The following SVEP1 variants were observed in gnomAD, a reference collection of about 807,000 sequenced individuals.
The protein encoded by SVEP1 is sushi, von Willebrand factor type A, EGF and pentraxin domain-containing protein 1.
A neutral mutation model predicts 367.3 loss-of-function variants in SVEP1; 164 were observed. The observed-to-expected ratio is 0.45, with a 90% CI of 0.39 to 0.51. The LOEUF is 0.51. Among genes scored for constraint, SVEP1 ranks in the 20% least tolerant of loss-of-function variants. The probability of loss-of-function intolerance (pLI) is 0.00; values close to 1 mark genes in which losing one functional copy is unlikely to be tolerated. For missense variants in SVEP1, 4,117 were observed against 4,425.3 expected, an observed-to-expected ratio of 0.93 and a Z score of 1.98; for synonymous variants, 1,666 against 1,611.6, an observed-to-expected ratio of 1.03 and a Z score of -0.81.
chr9:110,384,418 T>C (rs1449949045), intron 43 of SVEP1, among the ~76,000 whole-genome samples: 1 of 152,054 alleles, frequency 6.6e-6, no homozygotes, highest in African/African-American at 2.4e-5. Context: ...ATTCACTCAC[T>C]GTTTTTGTTC....
Position 110,572,789 on chromosome 9 carries a change from C to CAAA in SVEP1, c.531+6221_531+6223dup, listed in dbSNP as rs56077443. Among the ~76,000 whole-genome samples, 59 of 76,512 alleles carry CAAA rather than the reference C, an allele frequency of 7.7e-4. 2 individuals carry two copies. Among genetic ancestry groups the CAAA allele is most frequent in the Non-Finnish European group, 1.0e-3 (42 of 40,362 alleles). The allele number at this position is 76,512 out of a possible 152,430, so 50.2% of individuals were successfully genotyped here. A position where few individuals can be genotyped will look rare whatever the true frequency, so the allele number is the denominator to read the frequency against. On this transcript the variant is annotated intron_variant, in intron 1 of 47. Coordinates refer to ENST00000374469, the MANE Select transcript of SVEP1 (RefSeq NM_153366.4). ...AGAGGGTGACCCTCTCTCTCTCTCA[C>CAAA]AAAAAAAAAAAAAAAAAAAAAAAAA...
At position 110,499,144 on chromosome 9, in the gene SVEP1, A is replaced by G; in HGVS notation, c.1578T>C (p.Tyr526=). The part of the protein sequence containing the change: ...KQPAKFGTIC[Y]VSCRQGFILS... The stretch of plus-strand genomic sequence containing the variant: ...AAATGAACCCTTGGCGGCAACTTAC[A>G]TAGCAGATCGTCCCAAATTTGGCTG... Residue 526 remains tyrosine, a synonymous_variant, in exon 7 of 48, where the codon TAT becomes TAC. Coordinates refer to ENST00000374469, the MANE Select transcript of SVEP1 (RefSeq NM_153366.4). The G allele has an allele frequency of 1.2e-6, 2 of 1,613,786 alleles. No homozygotes were observed. The highest frequency in any genetic ancestry group is 1.7e-6 in the Non-Finnish European group (2 of 1,179,812).
At chr9:110,452,223 G>T (rs1397454181) in intron 22 of SVEP1, among the ~76,000 whole-genome samples, 3 of 152,042 alleles carry the variant, frequency 2.0e-5, no homozygotes, top group African/African-American at 7.2e-5. Flanking sequence ...ATGAACACTT[G>T]TTTTTTCACA....
In SVEP1 at chr9:110,387,468, A is replaced by G; in HGVS notation, c.9887-10T>C. On this transcript the variant is annotated splice_polypyrimidine_tract_variant and intron_variant, in intron 41 of 47. Coordinates refer to ENST00000374469, the MANE Select transcript of SVEP1 (RefSeq NM_153366.4). ...GTTTCACACCTGGTCTCTAAAAACA[A>G]GAATAAAAGCCTCATATTAATTGCT... The G allele has an allele frequency of 6.3e-7, 1 of 1,591,446 alleles. No homozygotes were observed. The highest frequency in any genetic ancestry group is 2.2e-5 in the East Asian group (1 of 44,688).
intron 3 of SVEP1, among the ~76,000 whole-genome samples, chr9:110,541,838 C>T (rs1156252063): frequency 2.9e-5 from 4 of 137,246 alleles, no homozygotes; most frequent in East Asian, 2.2e-4. Context: ...TATCTATATA[C>T]ATAGATATCT....
At chr9:110,415,520 G>C (rs1278682150) in intron 36 of SVEP1, among the ~76,000 whole-genome samples, 2 of 152,006 alleles carry the variant, frequency 1.3e-5, no homozygotes, top group Non-Finnish European at 2.9e-5. Flanking sequence ...AGTGGAAGAA[G>C]ACGGTAAGAC....
chr9:110,569,292 A>C (rs1043394039), intron 1 of SVEP1, among the ~76,000 whole-genome samples: 4 of 151,938 alleles, frequency 2.6e-5, no homozygotes, highest in African/African-American at 4.8e-5. Context: ...CCCCGTCTCT[A>C]CTAAAAATAC....
At chr9:110,397,522 G>T (rs1183447115) in intron 40 of SVEP1, among the ~76,000 whole-genome samples, 1 of 152,126 alleles carries the variant, frequency 6.6e-6, no homozygotes, top group Non-Finnish European at 1.5e-5. Context: ...GGAAATAAAG[G>T]ATATTCAATT....
chr9:110,569,331 C>T (rs1290359911), intron 1 of SVEP1, among the ~76,000 whole-genome samples: 1 of 151,776 alleles, frequency 6.6e-6, no homozygotes, highest in Non-Finnish European at 1.5e-5. Flanking sequence ...TGGTGCATGC[C>T]TGTAATCCCA....
chr9:110,450,863 G>A (rs557516825), intron 23 of SVEP1, among the ~76,000 whole-genome samples: 1 of 152,264 alleles, frequency 6.6e-6, no homozygotes, highest in East Asian at 1.9e-4. Flanking sequence ...AATAAAGCTA[G>A]TAAATTCCAT....
At chr9:110,547,702 T>C (rs756820447) in intron 2 of SVEP1, among the ~76,000 whole-genome samples, 4 of 152,090 alleles carry the variant, frequency 2.6e-5, no homozygotes, top group Non-Finnish European at 4.4e-5. Context: ...GTAACCTATG[T>C]CTATCGAGAA....
At chr9:110,548,436 T>C (rs1390246280) in intron 2 of SVEP1, among the ~76,000 whole-genome samples, 1 of 152,196 alleles carries the variant, frequency 6.6e-6, no homozygotes, top group Admixed American at 6.5e-5. Flanking sequence ...CATCCCTTTA[T>C]ATGTATTAAC....
At chr9:110,505,676 C>A (rs1178136695) in intron 5 of SVEP1, among the ~76,000 whole-genome samples, 1 of 151,352 alleles carries the variant, frequency 6.6e-6, no homozygotes, top group Non-Finnish European at 1.5e-5. Flanking sequence ...TTTTTAAATT[C>A]TCTCTCTCTC....
chr9:110,491,590 G>GGGGTGTGTGTGTGT (rs76905358), intron 8 of SVEP1, among the ~76,000 whole-genome samples: 71 of 147,836 alleles, frequency 4.8e-4, no homozygotes, highest in African/African-American at 1.6e-3. Flanking sequence ...TATAGAATGG[G>GGGGTGTGTGTGTGT]GTGTGTGTGT....
In SVEP1 at chr9:110,466,760, C is replaced by CAAAAAAA. The variant is rs71371670; in HGVS notation, c.3161-741_3161-735dup. ...TGGGCGACAGAGCGAGACTCCATCT[C>CAAAAAAA]AAAAAAAAAAAAAAAAAAGAACTGG... is the stretch of plus-strand genomic sequence containing the variant. On this transcript the variant is annotated intron_variant, in intron 17 of 47. Coordinates refer to ENST00000374469, the MANE Select transcript of SVEP1 (RefSeq NM_153366.4). Among the ~76,000 whole-genome samples the CAAAAAAA allele has an allele frequency of 3.9e-4, 18 of 46,420 alleles. 6 individuals carry two copies. The highest frequency in any genetic ancestry group is 2.1e-3 in the Admixed American group (7 of 3,278). The allele number at this position is 46,420 out of a possible 152,430, so 30.5% of individuals were successfully genotyped here. A position where few individuals can be genotyped will look rare whatever the true frequency, so the allele number is the denominator to read the frequency against.
Position 110,366,280 on chromosome 9 carries a change from G to C in SVEP1, c.*259C>G. ...ATAGACAGCAGAATATGTACATTTT[G>C]TGAGGGTAGAGCAGCATCTATTTAA... On this transcript the variant is annotated 3_prime_UTR_variant, in exon 48 of 48. Coordinates refer to ENST00000374469, the MANE Select transcript of SVEP1 (RefSeq NM_153366.4). 5.5e-6 allele frequency: 2 copies of C among 362,510 alleles called. No homozygotes were observed. The highest frequency in any genetic ancestry group is 7.1e-4 in the Middle Eastern group (1 of 1,402). The allele number at this position is 362,510 out of a possible 1,614,324, so 22.5% of individuals were successfully genotyped here.
At chr9:110,388,926 A>AC in intron 41 of SVEP1, among the ~76,000 whole-genome samples, 1 of 151,884 alleles carries the variant, frequency 6.6e-6, no homozygotes, top group East Asian at 1.9e-4. Context: ...CTGAGGTTGC[A>AC]CTACTGCACT....
intron 24 of SVEP1, among the ~76,000 whole-genome samples, chr9:110,447,659 T>C (rs567671528): frequency 6.6e-6 from 1 of 152,212 alleles, no homozygotes; most frequent in South Asian, 2.1e-4. Flanking sequence ...GGAAGTCCCA[T>C]ATAGTGAGTA....
intron 3 of SVEP1, among the ~76,000 whole-genome samples, chr9:110,545,464 T>C (rs1830208319): frequency 1.3e-5 from 2 of 152,210 alleles, no homozygotes; most frequent in Admixed American, 6.5e-5. Context: ...GTCATTCCAA[T>C]TCCATTTCGA....
Sources: gnomAD v4.1 joint callset for allele counts (sites outside exome capture counted in the v4.1 genomes callset) on GRCh38, gnomAD v4.1.1 for gene constraint, MANE v1.5 for transcripts, NCBI Gene and HGNC (gene_info 2026-07-23, HGNC 2026-07-21) for gene names.